The following MON1A variants were observed in gnomAD, a reference collection of about 807,000 sequenced individuals.
The protein encoded by MON1A is MON1 vesicular trafficking associated A.
In MON1A, 29 loss-of-function variants were observed where a neutral mutation model predicts 44.6. That is an observed-to-expected ratio of 0.65 (90% CI 0.48 to 0.89). The LOEUF (loss-of-function observed/expected upper bound fraction) is 0.89. MON1A is among the 40% of genes least tolerant of loss of function. The pLI, the probability that MON1A is intolerant of heterozygous loss-of-function variation, is 0.00. For missense variants in MON1A, 615 were observed against 759.6 expected, an observed-to-expected ratio of 0.81 and a Z score of 2.24; for synonymous variants, 275 against 316.4, an observed-to-expected ratio of 0.87 and a Z score of 1.39.
At chr3:49,922,679 A>C (rs1414063078) in intron 1 of MON1A, among the ~76,000 whole-genome samples, 1 of 151,796 alleles carries the variant, frequency 6.6e-6, no homozygotes, top group African/African-American at 2.4e-5. Context: ...AAAGAAGGAA[A>C]GAACGAAAGA....
intron 1 of MON1A, chr3:49,924,091 A>G (rs887281200): frequency 6.6e-6 from 1 of 151,526 alleles, no homozygotes; most frequent in South Asian, 2.1e-4. Flanking sequence ...CATAGGAAAA[A>G]AAAAAAACAA....
At chr3:49,921,639 T>A (rs989327855) in intron 1 of MON1A, among the ~76,000 whole-genome samples, 1 of 28,846 alleles carries the variant, frequency 3.5e-5, no homozygotes, top group Admixed American at 2.4e-4. Flanking sequence ...GTGGTAGCAC[T>A]TTTTTTTTTT....
chr3:49,926,913 G>A (rs547360801), intron 1 of MON1A, among the ~76,000 whole-genome samples: 32 of 151,974 alleles, frequency 2.1e-4, no homozygotes, highest in African/African-American at 7.5e-4. Context: ...CGAGTAGCTG[G>A]GATTACAGGT....
chr3:49,908,876 C>T lies in MON1A; in HGVS notation c.*138G>A. 1.0e-6 allele frequency: 1 copy of T among 987,120 alleles called. No homozygotes were observed. Among genetic ancestry groups the T allele is most frequent in the South Asian group, 1.8e-5 (1 of 54,864 alleles). The allele number at this position is 987,120 out of a possible 1,614,324, so 61.1% of individuals were successfully genotyped here. A position where few individuals can be genotyped will look rare whatever the true frequency, so the allele number is the denominator to read the frequency against. ...GTGACAGAGCTTGACAAGTGTCTTC[C>T]CCAAAGCACTTTAATGCATTCACCA... is the stretch of plus-strand genomic sequence containing the variant. On this transcript the variant is annotated 3_prime_UTR_variant, in exon 6 of 6. Coordinates refer to ENST00000296473, the MANE Select transcript of MON1A (RefSeq NM_032355.4).
chr3:49,913,405 C>G, intron 1 of MON1A, 46 bp from the exon 2 acceptor site: 1 of 1,572,182 alleles, frequency 6.4e-7, no homozygotes, highest in African/African-American at 1.3e-5. Flanking sequence ...GGCAGGGTCA[C>G]AGGCATAATC....
chr3:49,914,084 CTTCT>C lies in MON1A; in HGVS notation c.-13-729_-13-726del, dbSNP rs1333804721. Among the ~76,000 whole-genome samples, 107 of 149,444 alleles carry C rather than the reference CTTCT, an allele frequency of 7.2e-4. 1 individual carries two copies. Among genetic ancestry groups the C allele is most frequent in the Non-Finnish European group, 2.4e-4 (16 of 67,442 alleles). ...CACAGCCAGCTAATTTTCTTTTCTT[CTTCT>C]TCTTTTTTTTTTTTTTTTTGAGACG... On this transcript the variant is annotated intron_variant, in intron 1 of 5. Coordinates refer to ENST00000296473, the MANE Select transcript of MON1A (RefSeq NM_032355.4).
chr3:49,929,444 A>G, intron 1 of MON1A, 165 bp downstream of exon 1: 2 of 802,802 alleles, frequency 2.5e-6, no homozygotes, highest in Non-Finnish European at 4.1e-6. Flanking sequence ...TGTATTCCCC[A>G]GCTGGGGACT....
In MON1A at chr3:49,910,972, A is replaced by C; in HGVS notation, c.614-88T>G. On this transcript the variant is annotated intron_variant, in intron 3 of 5. Transcript: ENST00000296473. The surrounding 1 kb of genome is among the most constrained non-coding windows in gnomAD (Gnocchi z 8.0). ...TCCAGCGCAGCTCTTCGCTTTCCCCATCCTTTCCTCGCTCAGAGCTCTGCG... is the reference window on the plus strand; with the variant it reads ...TCCAGCGCAGCTCTTCGCTTTCCCCCTCCTTTCCTCGCTCAGAGCTCTGCG... 1 of 1,298,388 alleles carries C rather than the reference A, an allele frequency of 7.7e-7. No homozygotes were observed. The highest frequency in any genetic ancestry group is 1.1e-6 in the Non-Finnish European group (1 of 947,398). The allele number at this position is 1,298,388 out of a possible 1,614,324, so 80.4% of individuals were successfully genotyped here. A position where few individuals can be genotyped will look rare whatever the true frequency, so the allele number is the denominator to read the frequency against.
In MON1A at chr3:49,929,384, T is replaced by C. The variant is rs1262642754; in HGVS notation, c.-14+225A>G. The stretch of plus-strand genomic sequence containing the variant: ...AGAGTCCTACCTGGCCACTGCCCCC[T>C]ACCGGATCTCGCCCTCCCAGCCAAA... On this transcript the variant is annotated intron_variant, in intron 1 of 5. Coordinates refer to ENST00000296473, the MANE Select transcript of MON1A (RefSeq NM_032355.4). 4.9e-6 allele frequency: 3 copies of C among 608,812 alleles called. No homozygotes were observed. In the African/African-American group the frequency reaches 5.6e-5, roughly 11 times the overall value. The allele number at this position is 608,812 out of a possible 1,614,324, so 37.7% of individuals were successfully genotyped here. A position where few individuals can be genotyped will look rare whatever the true frequency, so the allele number is the denominator to read the frequency against.
chr3:49,929,669 C>G lies in MON1A; in HGVS notation c.-74G>C. 6.4e-7 allele frequency: 1 copy of G among 1,551,366 alleles called. No homozygotes were observed. Among genetic ancestry groups the G allele is most frequent in the Non-Finnish European group, 8.7e-7 (1 of 1,146,938 alleles). On this transcript the variant is annotated 5_prime_UTR_variant, in exon 1 of 6. The change abolishes an upstream ATG in the 5' untranslated region. Transcript: ENST00000296473. Reference sequence around the variant, plus strand: ...GCCGGTCACTGCCCTCTGCCGGACCCATGGAGGGGTAAGGGTGTCCGGCCG... The same window carrying G: ...GCCGGTCACTGCCCTCTGCCGGACCGATGGAGGGGTAAGGGTGTCCGGCCG...
chr3:49,929,424 T>G, intron 1 of MON1A, 185 bp downstream of exon 1: 1 of 716,776 alleles, frequency 1.4e-6, no homozygotes. Flanking sequence ...GGGTTCCAGA[T>G]CTCGCCTTTT....
chr3:49,910,485 T>C lies in MON1A; in HGVS notation c.1013A>G (p.Gln338Arg). ...GTGCAGGTCGATGGGGTGCAGAAAT[T>C]GGTCCTTTCGGCGCACGAGTGCCAC... ...QLVALVRRKDQFLHPIDLHLL... is the reference protein window; with the variant it reads ...QLVALVRRKDRFLHPIDLHLL... The change falls in exon 4 of 6, where the codon CAA (glutamine) becomes CGA (arginine). Residue 338 changes from glutamine to arginine, a missense_variant. Transcript: ENST00000296473. This position sits in a 1 kb window ranked among gnomAD's most constrained non-coding sequence, Gnocchi z 8.0. 2.5e-6 allele frequency: 4 copies of C among 1,614,014 alleles called. No individual in the cohort carries two copies. Among genetic ancestry groups the C allele is most frequent in the Non-Finnish European group, 2.5e-6 (3 of 1,179,964 alleles).
In MON1A at chr3:49,910,821, C is replaced by T; in HGVS notation, c.677G>A (p.Arg226Gln). ...CTGCGCCAGCTCTTGTGCCGACTGC[C>T]GCGTACGAGCCACCGCCACTAGCAC... The part of the protein sequence containing the change: ...PLVLVAVART[R>Q]QSAQELAQEL... Residue 226 changes from arginine to glutamine, a missense_variant, in exon 4 of 6, where the codon CGG becomes CAG. Arg to Gln is a conservative substitution (Grantham distance 43, BLOSUM62 1). Transcript: ENST00000296473. The surrounding 1 kb of genome is among the most constrained non-coding windows in gnomAD (Gnocchi z 8.0). The T allele has an allele frequency of 6.2e-7, 1 of 1,611,250 alleles. No individual in the cohort carries two copies. Among genetic ancestry groups the T allele is most frequent in the Non-Finnish European group, 8.5e-7 (1 of 1,178,522 alleles).
At chr3:49,925,308 T>A (rs1166628695) in intron 1 of MON1A, among the ~76,000 whole-genome samples, 1 of 151,742 alleles carries the variant, frequency 6.6e-6, no homozygotes, top group African/African-American at 2.4e-5. Context: ...AGAGACAGGG[T>A]CTCCTTATGT....
intron 1 of MON1A, chr3:49,924,433 C>G (rs2083031854): frequency 4.7e-6 from 1 of 211,716 alleles, no homozygotes; most frequent in South Asian, 4.5e-5. Context: ...AATCCCAGCA[C>G]TTTGGGAGGC....
At chr3:49,929,215 T>C (rs575152815) in intron 1 of MON1A, among the ~76,000 whole-genome samples, 30 of 152,104 alleles carry the variant, frequency 2.0e-4, no homozygotes, top group African/African-American at 7.0e-4. Flanking sequence ...AGAGTGAAAC[T>C]CCGTCTAAAA....
intron 1 of MON1A, chr3:49,924,552 G>A (rs758791891): frequency 2.6e-4 from 76 of 288,372 alleles, no homozygotes; most frequent in African/African-American, 1.3e-3. Flanking sequence ...CATGACGGGC[G>A]CCTGTAATCC....
In MON1A at chr3:49,911,923, G is replaced by T. The variant is rs532970681; in HGVS notation, c.216C>A (p.Ser72Arg). The part of the protein sequence containing the change: ...ESEDGAASGD[S>R]HKEGTRGPPP... ...GGGGACCCCTGGTACCCTCCTTGTG[G>T]CTGTCCCCAGAAGCTGCCCCATCCT... The change falls in exon 3 of 6, where the codon AGC becomes AGA. Residue 72 changes from serine (S) to arginine (R), a missense_variant. By Grantham distance (110) the Ser-to-Arg change is moderately radical. Coordinates refer to ENST00000296473, the MANE Select transcript of MON1A (RefSeq NM_032355.4). This position sits in a 1 kb window ranked among gnomAD's most constrained non-coding sequence, Gnocchi z 5.7. 22 of 1,613,730 alleles carry T rather than the reference G, an allele frequency of 1.4e-5. No homozygotes were observed. The South Asian group carries it at 2.4e-4, about 18-fold the overall frequency.
Position 49,910,705 on chromosome 3 carries a change from G to A in MON1A, c.793C>T (p.Arg265Trp). 1 of 1,613,074 alleles carries A rather than the reference G, an allele frequency of 6.2e-7. No homozygotes were observed. The highest frequency in any genetic ancestry group is 2.2e-5 in the East Asian group (1 of 44,852). Residue 265 changes from arginine (R) to tryptophan (W), a missense_variant, in exon 4 of 6, where the codon CGG (arginine) becomes TGG (tryptophan). Transcript: ENST00000296473. The surrounding 1 kb of genome is among the most constrained non-coding windows in gnomAD (Gnocchi z 8.0). The stretch of plus-strand genomic sequence containing the variant: ...CGCTCTGAGCCCGAGAGTAGGCGCC[G>A]CAAATCATAGTTCTGCTTCTGCTGG... Reference protein sequence around the residue: ...IFQQKQNYDLRRLLSGSERIT... With the variant: ...IFQQKQNYDLWRLLSGSERIT...
Sources: gnomAD v4.1 joint callset for allele counts (sites outside exome capture counted in the v4.1 genomes callset) on GRCh38, gnomAD v4.1.1 for gene constraint, Gnocchi (gnomAD v3.1) non-coding constraint, MANE v1.5 for transcripts, NCBI Gene and HGNC (gene_info 2026-07-23, HGNC 2026-07-21) for gene names.